The following RBFOX1 variants were observed in gnomAD, a reference collection of about 807,000 sequenced individuals.
RBFOX1 encodes the protein RNA binding fox-1 homolog 1, also known as RNA binding protein fox-1 homolog 1.
Under a neutral mutation model 57.7 loss-of-function variants are expected in RBFOX1, and 8 were observed. The ratio of observed to expected loss-of-function variants is 0.14; its 90% confidence interval spans 0.08 to 0.25. RBFOX1 has a LOEUF of 0.25. Ranked by LOEUF, RBFOX1 falls within the 10% of genes least tolerant of loss-of-function variation. The pLI, the probability that RBFOX1 is intolerant of heterozygous loss-of-function variation, is 1.00. For synonymous variants in RBFOX1, 326 were observed against 222.4 expected (o/e 1.47, Z -4.15); for missense variants, 611 against 548.5 (o/e 1.11, Z -1.14).
At chr16:7,400,805 A>G (rs899184641) in intron 4 of RBFOX1, among the ~76,000 whole-genome samples, 2 of 152,216 alleles carry the variant, frequency 1.3e-5, no homozygotes, top group Admixed American at 6.5e-5. Flanking sequence ...TGATGTTAGG[A>G]GGAGTCAGTG....
At chr16:6,513,447 C>T (rs1183207935) in intron 2 of RBFOX1, among the ~76,000 whole-genome samples, 1 of 152,086 alleles carries the variant, frequency 6.6e-6, no homozygotes, top group African/African-American at 2.4e-5. Flanking sequence ...GTTTGGAGAC[C>T]ATGAGGCCGG....
At chr16:7,281,193 G>T (rs1051329986) in intron 4 of RBFOX1, among the ~76,000 whole-genome samples, 2 of 151,780 alleles carry the variant, frequency 1.3e-5, no homozygotes, top group African/African-American at 4.8e-5. Context: ...AGTAGAGATG[G>T]GGCTTCACTG....
intron 4 of RBFOX1, among the ~76,000 whole-genome samples, chr16:7,183,682 C>A (rs2083175184): frequency 6.6e-6 from 1 of 152,122 alleles, no homozygotes; most frequent in Admixed American, 6.6e-5. Flanking sequence ...TATCTTCAGG[C>A]AGAAATTTAG....
At chr16:7,612,935 A>G (rs1029910911) in intron 10 of RBFOX1, among the ~76,000 whole-genome samples, 1 of 152,190 alleles carries the variant, frequency 6.6e-6, no homozygotes, top group African/African-American at 2.4e-5. Flanking sequence ...GCACCACTTG[A>G]ACACACATAA....
chr16:5,852,802 C>A lies in RBFOX1; in HGVS notation c.319-14501C>A, dbSNP rs532111715. On this transcript the variant is annotated intron_variant, in intron 3 of 19. Transcript: ENST00000641259. Reference sequence around the variant, plus strand: ...TTATGATTGTACCACTGCTCTCCAGCCTGGGTGACAGAGCAAAACTCCATC... The same window carrying A: ...TTATGATTGTACCACTGCTCTCCAGACTGGGTGACAGAGCAAAACTCCATC... Among the ~76,000 whole-genome samples the A allele has an allele frequency of 2.6e-5, 4 of 152,078 alleles. No homozygotes were observed. In the East Asian group the frequency reaches 7.8e-4, roughly 30 times the overall value.
intron 1 of RBFOX1, among the ~76,000 whole-genome samples, chr16:5,350,143 G>A (rs2065231192): frequency 6.6e-6 from 1 of 152,206 alleles, no homozygotes; most frequent in South Asian, 2.1e-4. Flanking sequence ...TTCCCTGCAT[G>A]TGCATAATGT....
chr16:7,437,597 A>G (rs1370882810), intron 4 of RBFOX1, among the ~76,000 whole-genome samples: 1 of 152,218 alleles, frequency 6.6e-6, no homozygotes, highest in African/African-American at 2.4e-5. Flanking sequence ...CTCCCCGGCA[A>G]CATAAAAATG....
At chr16:7,294,154 G>T (rs577840869) in intron 4 of RBFOX1, among the ~76,000 whole-genome samples, 2 of 152,190 alleles carry the variant, frequency 1.3e-5, no homozygotes, top group East Asian at 1.9e-4. Flanking sequence ...GGGGTGGAGG[G>T]TTCCCAAAGT....
chr16:7,562,279 G>A (rs547337936), intron 5 of RBFOX1, among the ~76,000 whole-genome samples: 102 of 152,272 alleles, frequency 6.7e-4, no homozygotes, highest in African/African-American at 2.4e-3. Flanking sequence ...CAAAACAGCA[G>A]GATGGGAAAG....
intron 4 of RBFOX1, among the ~76,000 whole-genome samples, chr16:7,061,822 G>A (rs1406798523): frequency 2.0e-5 from 3 of 152,080 alleles, no homozygotes; most frequent in African/African-American, 7.2e-5. Flanking sequence ...TTCCTGCTCT[G>A]TTCCTTTGAG....
intron 3 of RBFOX1, among the ~76,000 whole-genome samples, chr16:5,705,347 G>A (rs547093146): frequency 6.6e-6 from 1 of 152,090 alleles, no homozygotes; most frequent in African/African-American, 2.4e-5. Context: ...CTGCAACCTC[G>A]AACTTCTGGG....
intron 2 of RBFOX1, among the ~76,000 whole-genome samples, chr16:6,556,844 T>C (rs1196380471): frequency 6.6e-6 from 1 of 151,888 alleles, no homozygotes; most frequent in Non-Finnish European, 1.5e-5. Context: ...TTTGCTACCA[T>C]GGCAAGACTG....
At chr16:6,801,085 G>T (rs114737384) in intron 3 of RBFOX1, among the ~76,000 whole-genome samples, 2 of 151,880 alleles carry the variant, frequency 1.3e-5, no homozygotes, top group African/African-American at 4.8e-5. Context: ...TTAAAAGTGC[G>T]GATTGCCATT....
At chr16:6,134,340 A>G (rs113187542) in intron 1 of RBFOX1, among the ~76,000 whole-genome samples, 1,766 of 152,332 alleles carry the variant, frequency 0.012, 17 homozygotes, top group Non-Finnish European at 0.018. Context: ...CTGCAAGCAC[A>G]AAAGAGGATT....
intron 3 of RBFOX1, among the ~76,000 whole-genome samples, chr16:6,753,362 G>A (rs555042328): frequency 2.0e-5 from 3 of 152,182 alleles, no homozygotes; most frequent in Non-Finnish European, 4.4e-5. Context: ...TGGTACAAAA[G>A]TGAATAGTCA....
intron 10 of RBFOX1, among the ~76,000 whole-genome samples, chr16:7,628,117 A>G (rs1248034489): frequency 6.6e-6 from 1 of 152,176 alleles, no homozygotes; most frequent in Non-Finnish European, 1.5e-5. Context: ...AAGGGTTTTA[A>G]CCATACAATA....
chr16:7,082,967 G>A (rs559456425), intron 4 of RBFOX1, among the ~76,000 whole-genome samples: 2 of 151,094 alleles, frequency 1.3e-5, no homozygotes, highest in East Asian at 1.9e-4. Flanking sequence ...CTACCAGCCT[G>A]CTTGTAAATA....
chr16:5,858,272 A>T (rs2057122006), intron 3 of RBFOX1, among the ~76,000 whole-genome samples: 1 of 152,144 alleles, frequency 6.6e-6, no homozygotes. Context: ...CCCACTTCTC[A>T]CACCAACCCA....
intron 3 of RBFOX1, among the ~76,000 whole-genome samples, chr16:5,637,786 C>A (rs2048731608): frequency 6.6e-6 from 1 of 152,088 alleles, no homozygotes; most frequent in African/African-American, 2.4e-5. Flanking sequence ...TGAAGACCAC[C>A]CTCCCTGGTA....
Sources: allele counts gnomAD v4.1 joint callset (sites outside exome capture counted in the v4.1 genomes callset), GRCh38; gene constraint gnomAD v4.1.1; transcripts MANE v1.5; gene names NCBI Gene and HGNC (gene_info 2026-07-23, HGNC 2026-07-21).